SORBS3: variants seen among roughly 807,000 people sequenced by gnomAD.
SORBS3 encodes sorbin and SH3 domain containing 3, also known as vinexin.
In SORBS3, 69 loss-of-function variants were observed where a neutral mutation model predicts 98.0. The ratio of observed to expected loss-of-function variants is 0.70; its 90% CI spans 0.58 to 0.86. SORBS3 has a LOEUF of 0.86. Ranked by LOEUF, SORBS3 falls within the 40% of genes least tolerant of loss-of-function variation. The pLI, the probability that SORBS3 is intolerant of heterozygous loss-of-function variation, is 0.00. For missense variants in SORBS3, 954 were observed against 908.5 expected (o/e 1.05, Z -0.64); for synonymous variants, 394 against 355.4 (o/e 1.11, Z -1.22).
intron 5 of SORBS3, 128 bp from the exon 6 acceptor site, chr8:22,561,207 C>T (rs983549933): frequency 1.4e-5 from 12 of 860,986 alleles, no homozygotes; most frequent in Admixed American, 5.1e-5. Context: ...TTGGGACATT[C>T]TTCAGGCCCT....
At chr8:22,545,741 C>T (rs1394059648) in intron 1 of SORBS3, among the ~76,000 whole-genome samples, 1 of 152,244 alleles carries the variant, frequency 6.6e-6, no homozygotes, top group African/African-American at 2.4e-5. Flanking sequence ...TTCTTGCCCA[C>T]ATTCCTTCAC....
chr8:22,552,804 C>A (rs1840109570), intron 1 of SORBS3, among the ~76,000 whole-genome samples: 1 of 152,220 alleles, frequency 6.6e-6, no homozygotes, highest in African/African-American at 2.4e-5. Flanking sequence ...TTCCACCCCA[C>A]CCTGCCTCAA....
chr8:22,549,732 C>T (rs1281095331), upstream of SORBS3, among the ~76,000 whole-genome samples: 2 of 152,186 alleles, frequency 1.3e-5, no homozygotes, highest in African/African-American at 4.8e-5. Context: ...AGACCTACCC[C>T]GCCTCCTCCT....
intron 10 of SORBS3, 118 bp downstream of exon 10, chr8:22,564,639 A>G (rs1048138582): frequency 4.9e-6 from 7 of 1,435,396 alleles, no homozygotes; most frequent in Non-Finnish European, 6.7e-6. Context: ...CCAGTCCCAC[A>G]TGGTTTATTT....
chr8:22,572,288 G>T, intron 19 of SORBS3, 52 bp from the exon 20 acceptor site: 1 of 1,477,162 alleles, frequency 6.8e-7, no homozygotes, highest in Non-Finnish European at 9.5e-7. Context: ...GGCAACACTT[G>T]GGTTAGAGCC....
chr8:22,561,722 G>T, intron 6 of SORBS3, 143 bp from the exon 7 acceptor site: 1 of 731,592 alleles, frequency 1.4e-6, no homozygotes, highest in South Asian at 1.7e-5. Flanking sequence ...GTGTCCCTGA[G>T]CACCAACCAC....
intron 3 of SORBS3, among the ~76,000 whole-genome samples, chr8:22,555,430 C>G (rs1840165883): frequency 6.6e-6 from 1 of 152,182 alleles, no homozygotes. Flanking sequence ...GGGTGCAGGC[C>G]AGCCCTGAAC....
chr8:22,570,715 A>T (rs1840551569), intron 17 of SORBS3, among the ~76,000 whole-genome samples, 195 bp from the exon 18 acceptor site: 1 of 152,200 alleles, frequency 6.6e-6, no homozygotes, highest in Non-Finnish European at 1.5e-5. Context: ...TCTCAGCCTC[A>T]GCCTTGCCTG....
At chr8:22,573,177 C>T (rs1272896335) in intron 20 of SORBS3, among the ~76,000 whole-genome samples, 3 of 152,194 alleles carry the variant, frequency 2.0e-5, no homozygotes, top group Admixed American at 1.3e-4. Flanking sequence ...TGCCAGCCAG[C>T]TGTACTGACC....
In SORBS3 at chr8:22,570,891, C is replaced by T. The variant is rs200910035; in HGVS notation, c.1432-19C>T. ...TGGCACCAGGAAGGCCCCACAGACA[C>T]TGACTTTTCCCCCCTCAGGGAGAGC... On this transcript the variant is annotated intron_variant, in intron 17 of 20. Coordinates refer to ENST00000240123, the MANE Select transcript of SORBS3 (RefSeq NM_005775.5). 47 of 1,571,714 alleles carry T rather than the reference C, an allele frequency of 3.0e-5. No individual in the cohort carries two copies. In the African/African-American group the frequency reaches 5.5e-4, roughly 18 times the overall value.
In SORBS3 at chr8:22,574,823, C is replaced by G; in HGVS notation, c.*95C>G. On this transcript the variant is annotated 3_prime_UTR_variant, in exon 21 of 21. Transcript: ENST00000240123. ...GACCCCCGCCCACATCCTCCTTCCC[C>G]AGGACCTGAGCTCCCAGCATCTGCA... is the stretch of plus-strand genomic sequence containing the variant. 1 of 1,245,104 alleles carries G rather than the reference C, an allele frequency of 8.0e-7. No individual in the cohort carries two copies. The highest frequency in any genetic ancestry group is 1.2e-5 in the South Asian group (1 of 83,864). 77.1% of individuals were successfully genotyped at this position (1,245,104 alleles called of 1,614,324 possible).
Position 22,571,241 on chromosome 8 carries a change from C to T in SORBS3, c.1743+20C>T. 4 of 1,486,746 alleles carry T rather than the reference C, an allele frequency of 2.7e-6. No individual in the cohort carries two copies. The highest frequency in any genetic ancestry group is 1.8e-6 in the Non-Finnish European group (2 of 1,109,788). 92.1% of individuals were successfully genotyped at this position (1,486,746 alleles called of 1,614,324 possible). On this transcript the variant is annotated intron_variant, in intron 18 of 20. Transcript: ENST00000240123. ...ACCCAGGTGAGGTAGCCTGCCTCCA[C>T]CAGAGAGTCGACCTCCTCCTCACCC...
rs866854722 is a variant in SORBS3 at position 22,565,447 on chromosome 8, G to T, written c.903+93G>T. The T allele has an allele frequency of 8.3e-5, 84 of 1,012,506 alleles. No individual in the cohort carries two copies. In the African/African-American group the frequency reaches 1.3e-3, roughly 16 times the overall value. The allele number at this position is 1,012,506 out of a possible 1,614,324, so 62.7% of individuals were successfully genotyped here. A position where few individuals can be genotyped will look rare whatever the true frequency, so the allele number is the denominator to read the frequency against. On this transcript the variant is annotated intron_variant, in intron 11 of 20. Transcript: ENST00000240123. ...TCGGCGGCTGGGCTGGGCGGAGGAC[G>T]GGCAGCCGAGGTCCGGCCTCCAGCG...
Position 22,566,831 on chromosome 8 carries a change from G to A in SORBS3, c.1153G>A (p.Ala385Thr), listed in dbSNP as rs1840437192. ...CCTCTCCCCTGCCTAGAGAAAGGCC[G>A]CCAGGCTCAAGTTTGACTTCCAGGC... is the stretch of plus-strand genomic sequence containing the variant. ...ARREEKKRKAARLKFDFQAQS... is the reference protein window; with the variant it reads ...ARREEKKRKATRLKFDFQAQS... Residue 385 changes from alanine (A) to threonine (T), a missense_variant, in exon 15 of 21, where the codon GCC becomes ACC. Physicochemically the swap from Ala to Thr is moderately conservative, Grantham distance 58. Transcript: ENST00000240123. 3 of 1,613,552 alleles carry A rather than the reference G, an allele frequency of 1.9e-6. No homozygotes were observed. Among genetic ancestry groups the A allele is most frequent in the Non-Finnish European group, 2.5e-6 (3 of 1,179,740 alleles).
rs760777847 is a variant in SORBS3, at chr8:22,570,909, G to C, written c.1432-1G>C. The C allele has an allele frequency of 6.3e-7, 1 of 1,590,784 alleles. No individual in the cohort carries two copies. Among genetic ancestry groups the C allele is most frequent in the South Asian group, 1.1e-5 (1 of 87,706 alleles). On this transcript the variant is annotated splice_acceptor_variant, in intron 17 of 20. Transcript: ENST00000240123. LOFTEE classifies it high-confidence loss of function. Reference sequence around the variant, plus strand: ...ACAGACACTGACTTTTCCCCCCTCAGGGAGAGCACATCTGCCTGATCCGCA... The same window carrying C: ...ACAGACACTGACTTTTCCCCCCTCACGGAGAGCACATCTGCCTGATCCGCA...
At chr8:22,569,672 C>G (rs963575631) in intron 17 of SORBS3, among the ~76,000 whole-genome samples, 1 of 152,116 alleles carries the variant, frequency 6.6e-6, no homozygotes, top group Admixed American at 6.5e-5. Context: ...TCCGATGTAC[C>G]TAGCTTCACC....
chr8:22,550,857 C>A (rs185892562), upstream of SORBS3, among the ~76,000 whole-genome samples: 10 of 152,318 alleles, frequency 6.6e-5, 1 homozygote, highest in Non-Finnish European at 1.0e-4. Context: ...TGGTTTGGGG[C>A]TTGGGGATCC....
intron 19 of SORBS3, 79 bp from the exon 20 acceptor site, chr8:22,572,261 G>A: frequency 8.7e-7 from 1 of 1,146,458 alleles, no homozygotes. Flanking sequence ...AGGGACCCTG[G>A]GGCATTCACA....
intron 1 of SORBS3, among the ~76,000 whole-genome samples, chr8:22,546,872 G>A (rs1435046226): frequency 6.6e-6 from 1 of 152,240 alleles, no homozygotes; most frequent in East Asian, 1.9e-4. Context: ...AAGCTCCCCT[G>A]GGCAAGTGGG....
Sources: allele counts gnomAD v4.1 joint callset (sites outside exome capture counted in the v4.1 genomes callset), GRCh38; gene constraint gnomAD v4.1.1; transcripts MANE v1.5; gene names NCBI Gene and HGNC (gene_info 2026-07-23, HGNC 2026-07-21).